Variants in ACOT1 observed in about 807,000 individuals in gnomAD.
ACOT1 encodes the protein acyl-coenzyme A thioesterase 1.
Under a neutral mutation model 15.7 loss-of-function variants are expected in ACOT1, and 8 were observed. That is an observed-to-expected ratio of 0.51 (90% confidence interval 0.30 to 0.92). The LOEUF (loss-of-function observed/expected upper bound fraction) is 0.92. Ranked by LOEUF, ACOT1 falls within the 40% of genes least tolerant of loss-of-function variation. The pLI, the probability that ACOT1 is intolerant of heterozygous loss-of-function variation, is 0.06. For missense variants in ACOT1, 151 were observed against 539.4 expected (o/e 0.28, Z 7.13); for synonymous variants, 67 against 241.2 (o/e 0.28, Z 6.69).
the ACOT1 span, chr14:73,512,187 G>A: frequency 6.2e-7 from 1 of 1,611,130 alleles, no homozygotes. Flanking sequence ...AGAACCACCT[G>A]GTTAGGGTTA....
At chr14:73,498,114 C>T in the ACOT1 span, 13 of 1,534,814 alleles carry the variant, frequency 8.5e-6, no homozygotes, top group Non-Finnish European at 1.2e-5. Flanking sequence ...TGAGAGTTGG[C>T]AGTATAAGGT....
chr14:73,531,708 C>G, the ACOT1 span, among the ~76,000 whole-genome samples: 2 of 112,384 alleles, frequency 1.8e-5, 1 homozygote, highest in Non-Finnish European at 3.9e-5. Flanking sequence ...CCACACCCAG[C>G]CTCTTGGTCA....
the ACOT1 span, among the ~76,000 whole-genome samples, chr14:73,506,825 T>TTTTTTTC: frequency 6.3e-5 from 8 of 126,132 alleles, no homozygotes; most frequent in African/African-American, 1.7e-4. Context: ...TTTTTTTTTT[T>TTTTTTTC]CTGAGAAGGT....
chr14:73,509,691 C>CT, the ACOT1 span, among the ~76,000 whole-genome samples: 1 of 150,538 alleles, frequency 6.6e-6, no homozygotes, highest in Non-Finnish European at 1.5e-5. Context: ...ATTCCCAATC[C>CT]TTTATCATCT....
chr14:73,499,099 G>T, the ACOT1 span: 1 of 1,614,082 alleles, frequency 6.2e-7, no homozygotes, highest in East Asian at 2.2e-5. Context: ...TGATTTTCCA[G>T]TAAGGATCTC....
the ACOT1 span, among the ~76,000 whole-genome samples, chr14:73,523,464 A>G: frequency 0.024 from 3,688 of 152,312 alleles, 162 homozygotes; most frequent in African/African-American, 0.085. Flanking sequence ...CGTGTGAGGG[A>G]TGACTGCTTT....
the ACOT1 span, chr14:73,514,299 C>A: frequency 7.0e-7 from 1 of 1,429,310 alleles, no homozygotes; most frequent in Non-Finnish European, 9.7e-7. Context: ...CACAGTGGCC[C>A]CAGCTTGCAT....
chr14:73,537,330 T>C lies in ACOT1; in HGVS notation c.-92T>C. On this transcript the variant is annotated 5_prime_UTR_variant, in exon 1 of 3. Transcript: ENST00000311148. The stretch of plus-strand genomic sequence containing the variant: ...GCTCTGCCCTAGTGGGCGTTTAGCC[T>C]GCGACGGCAGCCCGAGAGGAAGAGT... 9.8e-6 allele frequency: 11 copies of C among 1,116,976 alleles called. 4 individuals carry two copies. The South Asian group carries it at 1.5e-4, about 15-fold the overall frequency. The allele number at this position is 1,116,976 out of a possible 1,614,324, so 69.2% of individuals were successfully genotyped here. A position where few individuals can be genotyped will look rare whatever the true frequency, so the allele number is the denominator to read the frequency against.
At chr14:73,508,140 C>G in the ACOT1 span, 1 of 1,614,040 alleles carries the variant, frequency 6.2e-7, no homozygotes, top group Non-Finnish European at 8.5e-7. Context: ...ATACTGTCTT[C>G]TCACTCAGAT....
At chr14:73,534,300 A>T (rs1178027982), upstream of ACOT1, among the ~76,000 whole-genome samples, 2 of 108,646 alleles carry the variant, frequency 1.8e-5, 1 homozygote, top group Non-Finnish European at 4.0e-5. Context: ...AATCACTGGA[A>T]CCCGGGAGCC....
the ACOT1 span, chr14:73,522,363 CCTCCAGCTGTTTCAGGAG>C: frequency 6.2e-7 from 1 of 1,614,254 alleles, no homozygotes; most frequent in South Asian, 1.1e-5. Flanking sequence ...GTCTCTTCTG[CCTCCAGCTGTTTCAGGAG>C]CTCCAGGTCA....
the ACOT1 span, chr14:73,519,068 G>C: frequency 1.2e-6 from 2 of 1,613,860 alleles, no homozygotes; most frequent in Non-Finnish European, 1.7e-6. Flanking sequence ...GGAGTTTCAG[G>C]GAAGACCTTA....
chr14:73,495,504 G>T, the ACOT1 span: 1 of 806,680 alleles, frequency 1.2e-6, no homozygotes, highest in South Asian at 1.8e-5. Flanking sequence ...GATCACTTGA[G>T]CCCAACAGTT....
chr14:73,504,397 C>T, the ACOT1 span, among the ~76,000 whole-genome samples: 1 of 152,122 alleles, frequency 6.6e-6, no homozygotes, highest in South Asian at 2.1e-4. Flanking sequence ...TGCCTGCCAC[C>T]ACACCCGCCT....
chr14:73,494,130 C>G, the ACOT1 span, among the ~76,000 whole-genome samples: 1 of 152,146 alleles, frequency 6.6e-6, no homozygotes, highest in Non-Finnish European at 1.5e-5. Flanking sequence ...AGTTACTTTC[C>G]ACTCTCATTT....
chr14:73,518,263 G>A, the ACOT1 span, among the ~76,000 whole-genome samples: 4 of 152,012 alleles, frequency 2.6e-5, no homozygotes, highest in South Asian at 6.2e-4. Context: ...TGTCAGCCAG[G>A]TGTGGAGGCA....
At chr14:73,521,218 G>A in the ACOT1 span, among the ~76,000 whole-genome samples, 1 of 152,092 alleles carries the variant, frequency 6.6e-6, no homozygotes, top group Non-Finnish European at 1.5e-5. Context: ...TGAATGTGGA[G>A]CTGCCAGAAG....
At chr14:73,526,888 A>G in the ACOT1 span, among the ~76,000 whole-genome samples, 1 of 152,052 alleles carries the variant, frequency 6.6e-6, no homozygotes, top group Non-Finnish European at 1.5e-5. Flanking sequence ...TGTGGTGGCC[A>G]TGGGAGTGCT....
the ACOT1 span, chr14:73,491,201 A>T: frequency 1.9e-6 from 3 of 1,595,592 alleles, no homozygotes; most frequent in South Asian, 3.4e-5. Context: ...GCCTAGCGAG[A>T]ACTCGGAGGA....
Sources: allele counts gnomAD v4.1 joint callset (sites outside exome capture counted in the v4.1 genomes callset), GRCh38; gene constraint gnomAD v4.1.1; transcripts MANE v1.5; gene names NCBI Gene and HGNC (gene_info 2026-07-23, HGNC 2026-07-21).